Variants in SLC23A2 observed in about 807,000 individuals in gnomAD.
SLC23A2 encodes the protein solute carrier family 23 member 2, also known as Na(+)/L-ascorbic acid transporter 2.
In SLC23A2, 36 loss-of-function variants were observed where a neutral mutation model predicts 73.3. The observed-to-expected ratio is 0.49, with a 90% confidence interval of 0.38 to 0.65. SLC23A2 has a LOEUF of 0.65. Among genes scored for constraint, SLC23A2 ranks in the 30% least tolerant of loss-of-function variants. The pLI, the probability that SLC23A2 is intolerant of heterozygous loss-of-function variation, is 0.00. For missense variants in SLC23A2, 507 were observed against 841.6 expected (o/e 0.60, Z 4.92); for synonymous variants, 343 against 327.3 (o/e 1.05, Z -0.52).
chr20:4,916,955 G>A (rs538953266), intron 3 of SLC23A2, among the ~76,000 whole-genome samples: 1 of 152,130 alleles, frequency 6.6e-6, no homozygotes, highest in Admixed American at 6.6e-5. Context: ...CATTTTAGGG[G>A]TGTAACTCTG....
intron 2 of SLC23A2, among the ~76,000 whole-genome samples, chr20:4,937,285 G>A (rs754974390): frequency 6.6e-5 from 10 of 152,098 alleles, no homozygotes; most frequent in Non-Finnish European, 1.3e-4. Context: ...AAATCTCCCC[G>A]GGAATTTGAC....
At chr20:4,997,538 A>AC (rs149797727) in intron 1 of SLC23A2, among the ~76,000 whole-genome samples, 9,382 of 152,208 alleles carry the variant, frequency 0.062, 391 homozygotes, top group Non-Finnish European at 0.09. Context: ...TTGAAGCCCT[A>AC]CCCCCACAAT....
At position 4,947,694 on chromosome 20, in the gene SLC23A2, A is replaced by G. The variant is rs1450655962; in HGVS notation, c.-154-14978T>C. On this transcript the variant is annotated intron_variant, in intron 2 of 16. Coordinates refer to ENST00000338244, the MANE Select transcript of SLC23A2 (RefSeq NM_005116.6). The surrounding 1 kb of genome is among the most constrained non-coding windows in gnomAD (Gnocchi z 4.4). ...ATCTCTGCAAAAAAGCTCAGGGCCA[A>G]TGTTGTGGGTCCAACAATCATTCTG... Among the ~76,000 whole-genome samples, 1 of 152,202 alleles carries G rather than the reference A, an allele frequency of 6.6e-6. No individual in the cohort carries two copies. The highest frequency in any genetic ancestry group is 1.5e-5 in the Non-Finnish European group (1 of 68,036).
intron 2 of SLC23A2, among the ~76,000 whole-genome samples, chr20:4,939,731 C>T (rs1375163907): frequency 6.6e-6 from 1 of 152,162 alleles, no homozygotes; most frequent in African/African-American, 2.4e-5. Flanking sequence ...AAGGTTTGCC[C>T]ATGCCTGACA....
intron 4 of SLC23A2, 57 bp downstream of exon 4, chr20:4,912,823 G>C (rs1483428669): frequency 1.8e-6 from 2 of 1,092,620 alleles, no homozygotes; most frequent in Non-Finnish European, 2.8e-6. Context: ...ATCCGGGGCA[G>C]CACTTGTGGG....
chr20:4,904,637 G>A (rs1002557178), intron 4 of SLC23A2, among the ~76,000 whole-genome samples: 22 of 152,212 alleles, frequency 1.4e-4, no homozygotes, highest in African/African-American at 2.7e-4. Context: ...ACAGCACCGC[G>A]TCAGCTACAG....
chr20:4,859,565 A>C (rs1929876814), intron 15 of SLC23A2, among the ~76,000 whole-genome samples, 181 bp from the exon 16 acceptor site: 1 of 152,246 alleles, frequency 6.6e-6, no homozygotes, highest in African/African-American at 2.4e-5. Context: ...AACTACGATG[A>C]ATACTTTCAA....
In SLC23A2 at chr20:4,884,739, C is replaced by G; in HGVS notation, c.642+14G>C. 6.3e-7 allele frequency: 1 copy of G among 1,592,826 alleles called. No homozygotes were observed. Among genetic ancestry groups the G allele is most frequent in the Non-Finnish European group, 8.6e-7 (1 of 1,160,986 alleles). On this transcript the variant is annotated intron_variant, in intron 8 of 16. Transcript: ENST00000338244. Reference sequence around the variant, plus strand: ...ACATGAAGAAGCCAAAAGCAGACAACGCTTGTCTTTTACCTCTCGGATCCG... The same window carrying G: ...ACATGAAGAAGCCAAAAGCAGACAAGGCTTGTCTTTTACCTCTCGGATCCG...
Position 4,884,795 on chromosome 20 carries a change from C to G in SLC23A2, c.600G>C (p.Glu200Asp), listed in dbSNP as rs569941143. The G allele has an allele frequency of 6.4e-7, 1 of 1,574,426 alleles. No individual in the cohort carries two copies. Among genetic ancestry groups the G allele is most frequent in the South Asian group, 1.2e-5 (1 of 84,790 alleles). Residue 200 changes from glutamate to aspartate, a missense_variant, in exon 8 of 17, where the codon GAG becomes GAC. Glu to Asp is a conservative substitution (Grantham distance 45). Transcript: ENST00000338244. ...ACCAGATGTGTTCTGTGTGCAACAG[C>G]TCTGCTGTTCCATTGGCAACTGAAA... ...TDVSVANGTA[E>D]LLHTEHIWYP...
At chr20:4,900,885 C>G (rs1217118251) in intron 5 of SLC23A2, among the ~76,000 whole-genome samples, 1 of 152,140 alleles carries the variant, frequency 6.6e-6, no homozygotes, top group East Asian at 1.9e-4. Flanking sequence ...CATTCCTGCC[C>G]ACGTTAGCCA....
chr20:4,857,957 AAAC>A lies in SLC23A2; in HGVS notation c.1721-756_1721-754del, dbSNP rs1363338191. On this transcript the variant is annotated intron_variant, in intron 16 of 16. Transcript: ENST00000338244. This position sits in a 1 kb window ranked among gnomAD's most constrained non-coding sequence, Gnocchi z 4.0. ...AAAACAAAACAAAACAAAACAAAAC[AAAC>A]AACAAAACACACAAAACAAACTCTG... Among the ~76,000 whole-genome samples, 1 of 151,940 alleles carries A rather than the reference AAAC, an allele frequency of 6.6e-6. No homozygotes were observed. The highest frequency in any genetic ancestry group is 1.9e-4 in the East Asian group (1 of 5,196).
intron 2 of SLC23A2, among the ~76,000 whole-genome samples, chr20:4,948,989 T>C (rs1014053472): frequency 2.0e-5 from 3 of 152,108 alleles, no homozygotes; most frequent in Non-Finnish European, 4.4e-5. Context: ...AAACTCTGCA[T>C]AGAAGGAAAA....
chr20:4,906,871 G>A (rs1931976586), intron 4 of SLC23A2, among the ~76,000 whole-genome samples: 2 of 152,118 alleles, frequency 1.3e-5, no homozygotes, highest in African/African-American at 4.8e-5. Flanking sequence ...GATGATTTGT[G>A]ACCAATTTGG....
intron 15 of SLC23A2, among the ~76,000 whole-genome samples, chr20:4,861,330 T>C (rs906078691): frequency 4.6e-5 from 7 of 152,198 alleles, no homozygotes; most frequent in Non-Finnish European, 7.3e-5. Flanking sequence ...CTAGATGCCA[T>C]TGAACTGCTT....
At chr20:4,895,108 G>A (rs1230810444) in intron 6 of SLC23A2, among the ~76,000 whole-genome samples, 2 of 152,226 alleles carry the variant, frequency 1.3e-5, no homozygotes, top group Non-Finnish European at 2.9e-5. Flanking sequence ...AAACACAACA[G>A]GGGAACCACT....
At position 4,998,857 on chromosome 20, in the gene SLC23A2, T is replaced by G. The variant is rs2088068172; in HGVS notation, c.-282+2549A>C. Among the ~76,000 whole-genome samples the G allele has an allele frequency of 6.7e-6, 1 of 148,152 alleles. No individual in the cohort carries two copies. Among genetic ancestry groups the G allele is most frequent in the African/African-American group, 2.5e-5 (1 of 40,184 alleles). ...TCTCACTCTGTCACCCAGGCTGGAGTGCAGTGGCACGATCTCGACTCACTG... is the reference window on the plus strand; with the variant it reads ...TCTCACTCTGTCACCCAGGCTGGAGGGCAGTGGCACGATCTCGACTCACTG... On this transcript the variant is annotated intron_variant, in intron 1 of 16. Coordinates refer to ENST00000338244, the MANE Select transcript of SLC23A2 (RefSeq NM_005116.6). This position sits in a 1 kb window ranked among gnomAD's most constrained non-coding sequence, Gnocchi z 4.1.
chr20:4,930,633 A>G (rs903558087), intron 3 of SLC23A2, among the ~76,000 whole-genome samples: 1 of 152,226 alleles, frequency 6.6e-6, no homozygotes, highest in Non-Finnish European at 1.5e-5. Context: ...AGCCTGGCCA[A>G]TATGGCAAAA....
chr20:4,857,283 T>TACACACACAC lies in SLC23A2; in HGVS notation c.1721-89_1721-80dup, dbSNP rs398035250. On this transcript the variant is annotated intron_variant, in intron 16 of 16. Transcript: ENST00000338244. The surrounding 1 kb of genome is among the most constrained non-coding windows in gnomAD (Gnocchi z 4.0). ...GAAAATGAAACTGTCGTCAAACACA[T>TACACACACAC]ACACACACACACACACACACACACA... 222 of 421,138 alleles carry TACACACACAC rather than the reference T, an allele frequency of 5.3e-4. No individual in the cohort carries two copies. Among genetic ancestry groups the TACACACACAC allele is most frequent in the East Asian group, 1.7e-3 (32 of 19,358 alleles). The allele number at this position is 421,138 out of a possible 1,614,324, so 26.1% of individuals were successfully genotyped here. A position where few individuals can be genotyped will look rare whatever the true frequency, so the allele number is the denominator to read the frequency against.
At chr20:4,993,015 A>C (rs1163311088) in intron 1 of SLC23A2, among the ~76,000 whole-genome samples, 2 of 151,438 alleles carry the variant, frequency 1.3e-5, no homozygotes, top group Non-Finnish European at 2.9e-5. Flanking sequence ...GCAGTGGCTC[A>C]TGCCTGTAAT....
Sources: allele counts gnomAD v4.1 joint callset (sites outside exome capture counted in the v4.1 genomes callset), GRCh38; gene constraint gnomAD v4.1.1; non-coding constraint Gnocchi (gnomAD v3.1); transcripts MANE v1.5; gene names NCBI Gene and HGNC (gene_info 2026-07-23, HGNC 2026-07-21).